C9orf72: variants seen among roughly 807,000 people sequenced by gnomAD.
C9orf72 encodes the protein guanine nucleotide exchange factor C9orf72.
In C9orf72, 44 loss-of-function variants were observed where a neutral mutation model predicts 51.6. That is an observed-to-expected ratio of 0.85 (90% CI 0.67 to 1.10). The LOEUF is 1.10. C9orf72 is among the 50% of genes least tolerant of loss of function. C9orf72 has a pLI of 0.00. For missense variants in C9orf72, 607 were observed against 570.6 expected (o/e 1.06, Z -0.65); for synonymous variants, 213 against 194.2 (o/e 1.10, Z -0.81).
intron 6 of C9orf72, chr9:27,558,851 TG>T: frequency 2.8e-6 from 1 of 360,364 alleles, no homozygotes; most frequent in East Asian, 6.0e-5. Flanking sequence ...CTTTAACATT[TG>T]GCTACATACT....
At chr9:27,553,979 C>G (rs1218199955) in intron 8 of C9orf72, among the ~76,000 whole-genome samples, 1 of 152,020 alleles carries the variant, frequency 6.6e-6, no homozygotes, top group Admixed American at 6.5e-5. Flanking sequence ...CAAATCAATT[C>G]TCTAGGAATG....
intron 6 of C9orf72, chr9:27,559,805 C>G (rs1024742380): frequency 6.6e-6 from 1 of 152,570 alleles, no homozygotes; most frequent in Admixed American, 6.5e-5. Flanking sequence ...ATCCCAATAG[C>G]TCCCTAGAAG....
At chr9:27,570,570 A>G (rs1334114554) in intron 1 of C9orf72, among the ~76,000 whole-genome samples, 1 of 152,144 alleles carries the variant, frequency 6.6e-6, no homozygotes, top group Non-Finnish European at 1.5e-5. Context: ...TAACAGAATA[A>G]GAAAAAAAAA....
At chr9:27,562,961 G>A (rs957811148) in intron 3 of C9orf72, among the ~76,000 whole-genome samples, 5 of 151,906 alleles carry the variant, frequency 3.3e-5, no homozygotes, top group African/African-American at 1.2e-4. Context: ...TTGGTTTATC[G>A]TTTACTGTTA....
rs1765959981 is a variant in C9orf72 at position 27,549,992 on chromosome 9, T to A, written c.1149+658A>T. Among the ~76,000 whole-genome samples the A allele has an allele frequency of 2.6e-5, 4 of 151,208 alleles. No individual in the cohort carries two copies. In the South Asian group the frequency reaches 8.3e-4, roughly 31 times the overall value. The stretch of plus-strand genomic sequence containing the variant: ...GGACTCAATTCTTAATTCTATCATT[T>A]TATAAATGTTAAAATATATATAAAA... On this transcript the variant is annotated intron_variant, in intron 9 of 10. Transcript: ENST00000380003.
intron 9 of C9orf72, 104 bp from the exon 10 acceptor site, chr9:27,548,770 A>G: frequency 1.5e-6 from 1 of 666,098 alleles, no homozygotes. Flanking sequence ...TACACACTAA[A>G]CATCTCCTTA....
chr9:27,560,653 G>T (rs1819320975), intron 5 of C9orf72: 4 of 1,012,844 alleles, frequency 3.9e-6, no homozygotes, highest in Middle Eastern at 5.0e-4. Context: ...TGTATGAAAG[G>T]CTGACACTGA....
chr9:27,573,523 C>CGGCCCCG (rs905464796), upstream of C9orf72: 361 of 142,416 alleles, frequency 2.5e-3, 2 homozygotes, highest in African/African-American at 7.1e-3. Flanking sequence ...GCCCCGACCA[C>CGGCCCCG]GCCCCGGCCC....
chr9:27,571,778 G>A (rs928851894), intron 1 of C9orf72, among the ~76,000 whole-genome samples: 3 of 152,150 alleles, frequency 2.0e-5, no homozygotes, highest in Admixed American at 6.5e-5. Flanking sequence ...TAACCATGCT[G>A]TTTATTTTCT....
chr9:27,560,513 C>A, intron 5 of C9orf72: 1 of 682,606 alleles, frequency 1.5e-6, no homozygotes, highest in South Asian at 3.0e-5. Flanking sequence ...CTTAAAACAG[C>A]CCAATTAGTC....
Position 27,558,762 on chromosome 9 carries a change from T to C in C9orf72, c.739-155A>G, listed in dbSNP as rs990561268. ...ACCTGGAATCCATGGGATGTAACAGTTGTTGCTTAAAATAGGGATTCTGTG... is the reference window on the plus strand; with the variant it reads ...ACCTGGAATCCATGGGATGTAACAGCTGTTGCTTAAAATAGGGATTCTGTG... On this transcript the variant is annotated intron_variant, in intron 6 of 10. Transcript: ENST00000380003. 3.5e-4 allele frequency: 178 copies of C among 512,646 alleles called. 1 individual carries two copies. The highest frequency in any genetic ancestry group is 1.6e-3 in the Middle Eastern group (3 of 1,882). 31.8% of individuals were successfully genotyped at this position (512,646 alleles called of 1,614,324 possible). A position where few individuals can be genotyped will look rare whatever the true frequency, so the allele number is the denominator to read the frequency against.
At chr9:27,562,015 A>G (rs1167232419) in intron 4 of C9orf72, among the ~76,000 whole-genome samples, 1 of 152,234 alleles carries the variant, frequency 6.6e-6, no homozygotes, top group Non-Finnish European at 1.5e-5. Context: ...AGGAAACTAA[A>G]TTTGTGACTA....
intron 9 of C9orf72, 81 bp from the exon 10 acceptor site, chr9:27,548,747 G>A: frequency 1.3e-6 from 1 of 778,144 alleles, no homozygotes; most frequent in Non-Finnish European, 2.2e-6. Context: ...TGTTGACAGT[G>A]CTTGGCAGAC....
chr9:27,561,103 T>G (rs935578989), intron 5 of C9orf72: 6 of 240,168 alleles, frequency 2.5e-5, no homozygotes, highest in Non-Finnish European at 4.1e-5. Flanking sequence ...AGGAAATAGG[T>G]GTATAGAGAA....
In C9orf72 at chr9:27,548,435, G is replaced by GAGAAAAAAAA; in HGVS notation, c.1260-14_1260-13insTTTTTTTTCT. 1 of 174,270 alleles carries GAGAAAAAAAA rather than the reference G, an allele frequency of 5.7e-6. No individual in the cohort carries two copies. The allele number at this position is 174,270 out of a possible 1,614,324, so 10.8% of individuals were successfully genotyped here. On this transcript the variant is annotated splice_polypyrimidine_tract_variant and intron_variant, in intron 10 of 10. Coordinates refer to ENST00000380003, the MANE Select transcript of C9orf72 (RefSeq NM_018325.5). ...TTTTCCCTTCTGCCTAAAAATAATG[G>GAGAAAAAAAA]AAAAAAAAAAAAAAAAAAAAAAAAA...
chr9:27,552,854 CT>C (rs1820936402), intron 8 of C9orf72, among the ~76,000 whole-genome samples: 1 of 152,080 alleles, frequency 6.6e-6, no homozygotes, highest in Non-Finnish European at 1.5e-5. Flanking sequence ...TGATGTGCTG[CT>C]GGATTTGGTT....
At chr9:27,563,325 A>T (rs1819394511) in intron 3 of C9orf72, among the ~76,000 whole-genome samples, 1 of 152,210 alleles carries the variant, frequency 6.6e-6, no homozygotes, top group Non-Finnish European at 1.5e-5. Flanking sequence ...CTGAAAATTC[A>T]GTATAACACA....
intron 8 of C9orf72, among the ~76,000 whole-genome samples, chr9:27,552,922 A>C (rs953425340): frequency 6.6e-6 from 1 of 152,108 alleles, no homozygotes; most frequent in South Asian, 2.1e-4. Flanking sequence ...ATTGGCCTGA[A>C]GTTTTCTTTT....
At chr9:27,562,733 C>T (rs1198003782) in intron 3 of C9orf72, among the ~76,000 whole-genome samples, 1 of 150,274 alleles carries the variant, frequency 6.7e-6, no homozygotes, top group Non-Finnish European at 1.5e-5. Flanking sequence ...AGTGCAATGG[C>T]GTGATCTCAG....
Sources: allele counts gnomAD v4.1 joint callset (sites outside exome capture counted in the v4.1 genomes callset), GRCh38; gene constraint gnomAD v4.1.1; transcripts MANE v1.5; gene names NCBI Gene and HGNC (gene_info 2026-07-23, HGNC 2026-07-21).